Variants in FBN1 observed in about 807,000 individuals in gnomAD.
FBN1 encodes the protein fibrillin-1.
FBN1 carries 29 observed loss-of-function variants against 365.1 expected under a neutral mutation model. The ratio of observed to expected loss-of-function variants is 0.08; its 90% CI spans 0.06 to 0.11. FBN1 has a LOEUF of 0.11. Among genes scored for constraint, FBN1 ranks in the 10% least tolerant of loss-of-function variants. FBN1 has a pLI of 1.00. For synonymous variants in FBN1, 1,210 were observed against 1,270.5 expected (o/e 0.95, Z 1.01); for missense variants, 2,476 against 3,703.2 (o/e 0.67, Z 8.60).
chr15:48,482,040 T>C (rs2043469290), intron 31 of FBN1, among the ~76,000 whole-genome samples: 1 of 152,174 alleles, frequency 6.6e-6, no homozygotes, highest in Non-Finnish European at 1.5e-5. Flanking sequence ...ATGCTGAGTT[T>C]AGAGCTCGTT....
At chr15:48,546,334 TA>T (rs2044093062) in intron 6 of FBN1, among the ~76,000 whole-genome samples, 1 of 152,188 alleles carries the variant, frequency 6.6e-6, no homozygotes, top group Non-Finnish European at 1.5e-5. Flanking sequence ...AATAATTGGG[TA>T]CACCTGCCTT....
intron 31 of FBN1, among the ~76,000 whole-genome samples, chr15:48,483,051 C>A (rs1274908044): frequency 1.3e-5 from 2 of 152,194 alleles, no homozygotes; most frequent in Non-Finnish European, 2.9e-5. Context: ...ACAAAAATAT[C>A]TAGCACTCAG....
chr15:48,425,320 A>G, intron 60 of FBN1, 49 bp downstream of exon 60: 1 of 1,613,664 alleles, frequency 6.2e-7, no homozygotes, highest in East Asian at 2.2e-5. Flanking sequence ...AAAGGAATGC[A>G]GCCATGTGTC....
At chr15:48,511,666 T>C (rs1324473724) in intron 13 of FBN1, among the ~76,000 whole-genome samples, 2 of 152,174 alleles carry the variant, frequency 1.3e-5, no homozygotes, top group African/African-American at 4.8e-5. Flanking sequence ...TTTTGGACCA[T>C]TCTGTGGCAA....
chr15:48,497,398 C>G lies in FBN1; in HGVS notation c.2168-7G>C. On this transcript the variant is annotated splice_region_variant and splice_polypyrimidine_tract_variant and intron_variant, in intron 18 of 65. Transcript: ENST00000316623. ...AGTGCACATTCATTTATATCTGCACCACAAAAAAGGTCAAAATCAATTAAG... is the reference window on the plus strand; with the variant it reads ...AGTGCACATTCATTTATATCTGCACGACAAAAAAGGTCAAAATCAATTAAG... The G allele has an allele frequency of 6.2e-7, 1 of 1,611,814 alleles. No individual in the cohort carries two copies.
At chr15:48,437,532 T>G (rs2062962032) in intron 51 of FBN1, 145 bp from the exon 52 acceptor site, 1 of 850,494 alleles carries the variant, frequency 1.2e-6, no homozygotes, top group Non-Finnish European at 1.9e-6. Flanking sequence ...GAGGAAGTTA[T>G]TTAACGAGAC....
rs794728250 is a variant in FBN1, at chr15:48,437,008, C to A, written c.6449G>T (p.Arg2150Leu). The A allele has an allele frequency of 1.2e-6, 2 of 1,613,010 alleles. No individual in the cohort carries two copies. The highest frequency in any genetic ancestry group is 1.7e-6 in the Non-Finnish European group (2 of 1,179,252). The change falls in exon 53 of 66, where the codon CGC becomes CTC. Residue 2150 changes from arginine to leucine, a missense_variant. By Grantham distance (102) the Arg-to-Leu change is moderately radical. Coordinates refer to ENST00000316623, the MANE Select transcript of FBN1 (RefSeq NM_000138.5). ...AATATAACCAAAGGGACACTCGCAGCGATAGGAACCATCTGTATTGATGCA... is the reference window on the plus strand; with the variant it reads ...AATATAACCAAAGGGACACTCGCAGAGATAGGAACCATCTGTATTGATGCA... ...GQCINTDGSY[R>L]CECPFGYILA...
intron 9 of FBN1, 127 bp from the exon 10 acceptor site, chr15:48,520,944 C>G (rs1309136142): frequency 1.8e-5 from 23 of 1,282,070 alleles, no homozygotes; most frequent in South Asian, 5.0e-5. Flanking sequence ...ACCTCTGCCC[C>G]CCGGAAGGGA....
intron 49 of FBN1, among the ~76,000 whole-genome samples, chr15:48,444,126 C>T (rs2043136562): frequency 1.3e-5 from 2 of 152,156 alleles, no homozygotes; most frequent in South Asian, 4.1e-4. Flanking sequence ...TAGGTAAAAA[C>T]AAAATAGACA....
intron 42 of FBN1, 149 bp from the exon 43 acceptor site, chr15:48,460,466 T>G: frequency 1.5e-6 from 1 of 657,962 alleles, no homozygotes; most frequent in East Asian, 2.7e-5. Flanking sequence ...TGAAAATTCC[T>G]ACAGATATAA....
At chr15:48,430,201 G>A (rs375685301) in intron 56 of FBN1, among the ~76,000 whole-genome samples, 24 of 152,152 alleles carry the variant, frequency 1.6e-4, no homozygotes, top group African/African-American at 5.6e-4. Context: ...ATCAGCTGAG[G>A]AGCTTTAAAA....
chr15:48,596,208 C>T (rs946393286), intron 6 of FBN1, 75 bp downstream of exon 6: 2 of 1,327,182 alleles, frequency 1.5e-6, no homozygotes, highest in African/African-American at 2.9e-5. Flanking sequence ...GCCATGCAGA[C>T]CCAATGTCTG....
intron 60 of FBN1, 107 bp from the exon 61 acceptor site, chr15:48,422,175 C>G (rs2042949119): frequency 1.3e-6 from 1 of 771,962 alleles, no homozygotes; most frequent in Non-Finnish European, 2.3e-6. Flanking sequence ...CTCAAATGAC[C>G]CTGACTAGAA....
intron 6 of FBN1, among the ~76,000 whole-genome samples, chr15:48,563,101 T>C (rs2044236408): frequency 6.6e-6 from 1 of 152,198 alleles, no homozygotes; most frequent in Non-Finnish European, 1.5e-5. Context: ...GATGTTTTAC[T>C]CATAGTCCTG....
chr15:48,564,992 T>C (rs911789466), intron 6 of FBN1, among the ~76,000 whole-genome samples: 2 of 152,216 alleles, frequency 1.3e-5, no homozygotes, highest in East Asian at 1.9e-4. Flanking sequence ...GCCTTACATA[T>C]AGAATCTCAA....
chr15:48,607,295 A>G (rs2044620842), intron 4 of FBN1, among the ~76,000 whole-genome samples: 1 of 150,334 alleles, frequency 6.7e-6, no homozygotes, highest in Non-Finnish European at 1.5e-5. Flanking sequence ...AAACTATAGG[A>G]AACAACTTTT....
intron 10 of FBN1, among the ~76,000 whole-genome samples, chr15:48,518,997 A>T (rs1340514440): frequency 6.6e-6 from 1 of 152,214 alleles, no homozygotes; most frequent in Non-Finnish European, 1.5e-5. Context: ...ACTGTCCCAA[A>T]GTAGGTCTTC....
intron 3 of FBN1, among the ~76,000 whole-genome samples, chr15:48,612,284 T>G (rs187541171): frequency 2.0e-5 from 3 of 152,360 alleles, no homozygotes; most frequent in Non-Finnish European, 4.4e-5. Context: ...AACTAAGTGA[T>G]TCTTAATGTC....
chr15:48,412,928 C>A (rs2042875736), intron 64 of FBN1, among the ~76,000 whole-genome samples, 185 bp from the exon 65 acceptor site: 1 of 152,230 alleles, frequency 6.6e-6, no homozygotes, highest in African/African-American at 2.4e-5. Flanking sequence ...TCCCAGTTCC[C>A]TGAATGTATT....
Sources: gnomAD v4.1 joint callset for allele counts (sites outside exome capture counted in the v4.1 genomes callset) on GRCh38, gnomAD v4.1.1 for gene constraint, MANE v1.5 for transcripts, NCBI Gene and HGNC (gene_info 2026-07-23, HGNC 2026-07-21) for gene names.